RAB11FIP4: variants seen among roughly 807,000 people sequenced by gnomAD.
RAB11FIP4 encodes the protein RAB11 family interacting protein 4.
Under a neutral mutation model 74.3 loss-of-function variants are expected in RAB11FIP4, and 23 were observed. The ratio of observed to expected loss-of-function variants is 0.31; its 90% CI spans 0.22 to 0.44. The LOEUF is 0.44. Ranked by LOEUF, RAB11FIP4 falls within the 20% of genes least tolerant of loss-of-function variation. RAB11FIP4 has a pLI of 1.00. For missense variants in RAB11FIP4, 630 were observed against 863.9 expected (o/e 0.73, Z 3.39); for synonymous variants, 360 against 359.9 (o/e 1.00, Z 0.00).
At chr17:31,480,136 G>A (rs2071831724) in intron 3 of RAB11FIP4, among the ~76,000 whole-genome samples, 1 of 152,072 alleles carries the variant, frequency 6.6e-6, no homozygotes, top group African/African-American at 2.4e-5. Context: ...AGGTCTTCTG[G>A]CCCTGAGTTC....
At chr17:31,522,088 G>A in intron 6 of RAB11FIP4, 39 bp downstream of exon 6, 1 of 1,612,820 alleles carries the variant, frequency 6.2e-7, no homozygotes. Context: ...GAGGCCGGGG[G>A]GCCAGGGCAG....
At chr17:31,463,597 A>G (rs2071653558) in intron 3 of RAB11FIP4, among the ~76,000 whole-genome samples, 6 of 152,034 alleles carry the variant, frequency 3.9e-5, no homozygotes. Flanking sequence ...TCCGTCTCCC[A>G]GGCTCAAGCG....
In RAB11FIP4 at chr17:31,518,573, C is replaced by T. The variant is rs117456121; in HGVS notation, c.563+696C>T. On this transcript the variant is annotated intron_variant, in intron 4 of 14. Coordinates refer to ENST00000621161, the MANE Select transcript of RAB11FIP4 (RefSeq NM_032932.6). The stretch of plus-strand genomic sequence containing the variant: ...AAGTTCAGCATCAGTATGGTGACCT[C>T]CCGGGAATGGGTCACCACCAGGTTG... 267 of 152,300 alleles carry T rather than the reference C, an allele frequency of 1.8e-3. 6 individuals carry two copies. The East Asian group carries it at 0.048, about 28-fold the overall frequency. 9.4% of individuals were successfully genotyped at this position (152,300 alleles called of 1,614,324 possible). A position where few individuals can be genotyped will look rare whatever the true frequency, so the allele number is the denominator to read the frequency against.
chr17:31,451,062 A>G (rs537562563), intron 3 of RAB11FIP4, among the ~76,000 whole-genome samples: 2 of 151,850 alleles, frequency 1.3e-5, no homozygotes, highest in South Asian at 2.1e-4. Flanking sequence ...TGGAGGTTAC[A>G]CCCCAGTCCC....
At chr17:31,460,704 C>CA (rs1196415945) in intron 3 of RAB11FIP4, among the ~76,000 whole-genome samples, 1 of 152,026 alleles carries the variant, frequency 6.6e-6, no homozygotes, top group East Asian at 1.9e-4. Context: ...TTCACAGACA[C>CA]AAAGTTGAGT....
rs1394187478 is a variant in RAB11FIP4 at position 31,521,259 on chromosome 17, T to C, written c.657T>C (p.Tyr219=). 2 of 1,613,996 alleles carry C rather than the reference T, an allele frequency of 1.2e-6. No homozygotes were observed. Among genetic ancestry groups the C allele is most frequent in the Admixed American group, 1.7e-5 (1 of 60,008 alleles). ...GCAATGAGGAGCAGTTTGAAGACTA[T>C]GGGGAGGGTGACGATGTGGACTGTG... ...LISNEEQFED[Y]GEGDDVDCAP... The change falls in exon 5 of 15, where the codon TAT becomes TAC. Residue 219 remains tyrosine (Y), a synonymous_variant. Transcript: ENST00000621161.
chr17:31,462,543 C>T (rs995150604), intron 3 of RAB11FIP4, among the ~76,000 whole-genome samples: 1 of 152,176 alleles, frequency 6.6e-6, no homozygotes, highest in Non-Finnish European at 1.5e-5. Context: ...GGTTGCAAAG[C>T]CTCCACCAGC....
chr17:31,516,682 G>A (rs191457202), intron 3 of RAB11FIP4, among the ~76,000 whole-genome samples: 200 of 152,260 alleles, frequency 1.3e-3, no homozygotes, highest in African/African-American at 4.0e-3. Context: ...ATTAGCCAGG[G>A]TGATCTTGAT....
chr17:31,530,537 C>T (rs1226662313), intron 14 of RAB11FIP4, 68 bp downstream of exon 14: 6 of 1,577,440 alleles, frequency 3.8e-6, no homozygotes, highest in Non-Finnish European at 5.2e-6. Flanking sequence ...CCGGCCCCCA[C>T]CTGCCCAGAG....
At chr17:31,478,975 GC>G (rs1160508738) in intron 3 of RAB11FIP4, among the ~76,000 whole-genome samples, 8 of 152,242 alleles carry the variant, frequency 5.3e-5, no homozygotes, top group African/African-American at 1.9e-4. Context: ...AATTCCGGTT[GC>G]TGTAAGTAAG....
intron 3 of RAB11FIP4, among the ~76,000 whole-genome samples, chr17:31,438,515 C>T (rs564096292): frequency 6.6e-6 from 1 of 152,098 alleles, no homozygotes; most frequent in African/African-American, 2.4e-5. Context: ...CTGCCTCCCC[C>T]TTCCATCACA....
intron 3 of RAB11FIP4, chr17:31,465,727 G>A (rs2071678648): frequency 6.6e-6 from 1 of 151,996 alleles, no homozygotes; most frequent in Admixed American, 6.6e-5. Flanking sequence ...AACAAGCCCA[G>A]GTCAAAAACA....
chr17:31,401,416 T>C (rs1460865239), intron 1 of RAB11FIP4, among the ~76,000 whole-genome samples: 1 of 152,254 alleles, frequency 6.6e-6, no homozygotes, highest in Non-Finnish European at 1.5e-5. Flanking sequence ...CCATAGCTTC[T>C]GTGCCCTTGA....
chr17:31,474,495 AACCCATCTCT>A (rs1481420692), intron 3 of RAB11FIP4, among the ~76,000 whole-genome samples: 1 of 151,992 alleles, frequency 6.6e-6, no homozygotes, highest in African/African-American at 2.4e-5. Context: ...AATATGATGA[AACCCATCTCT>A]ACTGAAAATA....
At position 31,445,672 on chromosome 17, in the gene RAB11FIP4, G is replaced by A. The variant is rs186337579; in HGVS notation, c.336+11550G>A. Among the ~76,000 whole-genome samples, 218 of 142,780 alleles carry A rather than the reference G, an allele frequency of 1.5e-3. 1 individual carries two copies. The highest frequency in any genetic ancestry group is 5.2e-3 in the African/African-American group (201 of 38,340). The allele number at this position is 142,780 out of a possible 152,430, so 93.7% of individuals were successfully genotyped here. ...GTGATCTCCGCTCACCGCAACCTCC[G>A]CCTCCTGGGTTCAAACGATTCTCCT... On this transcript the variant is annotated intron_variant, in intron 3 of 14. Transcript: ENST00000621161.
intron 1 of RAB11FIP4, among the ~76,000 whole-genome samples, chr17:31,416,551 C>A (rs567337255): frequency 6.6e-5 from 10 of 152,302 alleles, no homozygotes; most frequent in Non-Finnish European, 1.2e-4. Context: ...CTGGGGGTGG[C>A]GGCTCCAGAA....
chr17:31,435,823 G>A (rs1256515167), intron 3 of RAB11FIP4, among the ~76,000 whole-genome samples: 1 of 152,246 alleles, frequency 6.6e-6, no homozygotes, highest in Non-Finnish European at 1.5e-5. Context: ...AGGGCCCCCA[G>A]GCTGGGAGTC....
rs760560096 is a variant in RAB11FIP4 at position 31,528,661 on chromosome 17, G to A, written c.1536G>A (p.Met512Ile). 6.2e-7 allele frequency: 1 copy of A among 1,613,510 alleles called. No individual in the cohort carries two copies. The change falls in exon 13 of 15, where the codon ATG (methionine) becomes ATA (isoleucine). Residue 512 changes from methionine (M) to isoleucine (I), a missense_variant. Physicochemically the swap from Met to Ile is conservative, Grantham distance 10. Coordinates refer to ENST00000621161, the MANE Select transcript of RAB11FIP4 (RefSeq NM_032932.6). The part of the protein sequence containing the change: ...DLRKELEHLQ[M>I]YKLDCERPGR... ...GGAAGGAGCTGGAGCACCTGCAGATGTACAAGCTGGACTGCGAGCGGCCAG... is the reference window on the plus strand; with the variant it reads ...GGAAGGAGCTGGAGCACCTGCAGATATACAAGCTGGACTGCGAGCGGCCAG...
chr17:31,438,462 C>T (rs2071380276), intron 3 of RAB11FIP4, among the ~76,000 whole-genome samples: 1 of 152,054 alleles, frequency 6.6e-6, no homozygotes, highest in Non-Finnish European at 1.5e-5. Context: ...TCCTCAGCGC[C>T]TCCTCATGCA....
Sources: gnomAD v4.1 joint callset for allele counts (sites outside exome capture counted in the v4.1 genomes callset) on GRCh38, gnomAD v4.1.1 for gene constraint, MANE v1.5 for transcripts, NCBI Gene and HGNC (gene_info 2026-07-23, HGNC 2026-07-21) for gene names.